Variants in KPNA5 observed in about 807,000 individuals in gnomAD.
KPNA5 encodes karyopherin subunit alpha 5.
Under a neutral mutation model 71.3 loss-of-function variants are expected in KPNA5, and 46 were observed. The ratio of observed to expected loss-of-function variants is 0.65; its 90% CI spans 0.51 to 0.83. KPNA5 has a LOEUF of 0.83. Ranked by LOEUF, KPNA5 falls within the 40% of genes least tolerant of loss-of-function variation. The pLI is 0.00. For missense variants in KPNA5, 547 were observed against 628.3 expected, an observed-to-expected ratio of 0.87 and a Z score of 1.38; for synonymous variants, 207 against 201.4, an observed-to-expected ratio of 1.03 and a Z score of -0.24.
In KPNA5 at chr6:116,739,794, A is replaced by C. The variant is rs993240363; in HGVS notation, c.*7471A>C. On this transcript the variant is annotated 3_prime_UTR_variant, in exon 14 of 14. Transcript: ENST00000368564. ...GGTGCTGGGAAAACTGGCTAGCCAT[A>C]TGTAGAAAGCTGAAACTGTATCCCT... is the stretch of plus-strand genomic sequence containing the variant. The C allele has an allele frequency of 6.6e-6, 1 of 151,678 alleles. No homozygotes were observed. Among genetic ancestry groups the C allele is most frequent in the African/African-American group, 2.4e-5 (1 of 41,220 alleles). 9.4% of individuals were successfully genotyped at this position (151,678 alleles called of 1,614,324 possible). A position where few individuals can be genotyped will look rare whatever the true frequency, so the allele number is the denominator to read the frequency against.
At chr6:116,688,018 C>A (rs899253769) in intron 1 of KPNA5, among the ~76,000 whole-genome samples, 1 of 152,172 alleles carries the variant, frequency 6.6e-6, no homozygotes, top group Admixed American at 6.5e-5. Flanking sequence ...TTTGGACACA[C>A]TTAGTCTCTT....
At chr6:116,686,335 G>A (rs1034082587) in intron 1 of KPNA5, among the ~76,000 whole-genome samples, 5 of 152,012 alleles carry the variant, frequency 3.3e-5, no homozygotes, top group African/African-American at 1.2e-4. Context: ...ATGCTTCTTG[G>A]CTGCATGTAT....
At chr6:116,711,531 T>C (rs1778685920) in intron 7 of KPNA5, among the ~76,000 whole-genome samples, 1 of 142,196 alleles carries the variant, frequency 7.0e-6, no homozygotes, top group Admixed American at 7.2e-5. Context: ...CAAAGTATTT[T>C]CTGCATATGT....
intron 5 of KPNA5, 93 bp downstream of exon 5, chr6:116,698,891 G>A (rs923928497): frequency 7.3e-5 from 45 of 615,306 alleles, no homozygotes; most frequent in Middle Eastern, 4.4e-4. Flanking sequence ...ACTATTGTAA[G>A]CATTAAGTGA....
At chr6:116,713,890 T>G (rs1383723340) in intron 7 of KPNA5, among the ~76,000 whole-genome samples, 1 of 152,190 alleles carries the variant, frequency 6.6e-6, no homozygotes, top group Non-Finnish European at 1.5e-5. Flanking sequence ...CTTTTTATAA[T>G]GTCTGTTTCC....
rs978655729 is a variant in KPNA5, at chr6:116,729,616, T to C, written c.1307T>C (p.Met436Thr). 5 of 1,607,484 alleles carry C rather than the reference T, an allele frequency of 3.1e-6. No individual in the cohort carries two copies. Among genetic ancestry groups the C allele is most frequent in the Admixed American group, 1.7e-5 (1 of 59,222 alleles). The part of the protein sequence containing the change: ...IKPLCDLLTV[M>T]DSKIVQVALN... ...CCACTTTGTGATCTTTTGACTGTTA[T>C]GGACTCCAAAATAGTCCAAGTGGCT... Residue 436 changes from methionine (M) to threonine (T), a missense_variant, in exon 13 of 14, where the codon ATG becomes ACG. By Grantham distance (81) the Met-to-Thr change is moderately conservative. Transcript: ENST00000368564.
At chr6:116,715,057 A>G (rs1292022970) in intron 7 of KPNA5, among the ~76,000 whole-genome samples, 3 of 152,170 alleles carry the variant, frequency 2.0e-5, no homozygotes, top group African/African-American at 7.2e-5. Context: ...ACTTTTGACT[A>G]TCTTCAGAGT....
chr6:116,693,103 T>C (rs1777872753), intron 4 of KPNA5, among the ~76,000 whole-genome samples: 1 of 152,220 alleles, frequency 6.6e-6, no homozygotes, highest in Non-Finnish European at 1.5e-5. Context: ...CCATGGTGTA[T>C]ATGTGCCACA....
chr6:116,702,544 G>T (rs759383538), intron 6 of KPNA5, among the ~76,000 whole-genome samples: 2 of 152,038 alleles, frequency 1.3e-5, no homozygotes, highest in Non-Finnish European at 2.9e-5. Flanking sequence ...TTAGCCAGGC[G>T]TGGTGCCACA....
rs183344770 is a variant in KPNA5, at chr6:116,703,554, C to T, written c.567+1404C>T. 4.6e-5 allele frequency among the ~76,000 whole-genome samples: 7 copies of T among 152,124 alleles called. No homozygotes were observed. The East Asian group carries it at 7.7e-4, about 17-fold the overall frequency. ...CTGGGATTACAGGTGTGAGCCACCG[C>T]GCCCGGCCAAAAGATAAAATTTTTA... is the stretch of plus-strand genomic sequence containing the variant. On this transcript the variant is annotated intron_variant, in intron 6 of 13. Coordinates refer to ENST00000368564, the MANE Select transcript of KPNA5 (RefSeq NM_001366306.2).
rs1375582362 is a variant in KPNA5, at chr6:116,725,737, C to T, written c.1000-14C>T. 9 of 1,596,268 alleles carry T rather than the reference C, an allele frequency of 5.6e-6. No individual in the cohort carries two copies. The highest frequency in any genetic ancestry group is 7.7e-6 in the Non-Finnish European group (9 of 1,172,150). On this transcript the variant is annotated splice_polypyrimidine_tract_variant and intron_variant, in intron 10 of 13. Coordinates refer to ENST00000368564, the MANE Select transcript of KPNA5 (RefSeq NM_001366306.2). ...ACTATAAAACTTTTTGTTTCCATTT[C>T]TAACTTGTTTTAGGTAATTTTGAAT...
intron 6 of KPNA5, among the ~76,000 whole-genome samples, chr6:116,703,700 AAAAC>A (rs1778321132): frequency 6.6e-6 from 1 of 152,222 alleles, no homozygotes; most frequent in Non-Finnish European, 1.5e-5. Flanking sequence ...GTTTTTCTTA[AAAAC>A]AAACAAAAAA....
chr6:116,687,681 G>C (rs1418659937), intron 1 of KPNA5, among the ~76,000 whole-genome samples: 1 of 152,138 alleles, frequency 6.6e-6, no homozygotes, highest in East Asian at 1.9e-4. Flanking sequence ...AGATGGCTCA[G>C]TTAAAAACCA....
intron 7 of KPNA5, among the ~76,000 whole-genome samples, chr6:116,708,329 T>G (rs928455901): frequency 5.3e-5 from 8 of 152,214 alleles, no homozygotes; most frequent in African/African-American, 1.4e-4. Context: ...ACTACCAAAC[T>G]TTTTCACAGC....
In KPNA5 at chr6:116,681,859, C is replaced by T. The variant is rs552743950; in HGVS notation, c.4+521C>T. On this transcript the variant is annotated intron_variant, in intron 1 of 13. Transcript: ENST00000368564. The stretch of plus-strand genomic sequence containing the variant: ...GACGACAAGGCAAGCCTGGGTTCCA[C>T]GCTTCTAATAGTCGGGCAGCTCCGT... Among the ~76,000 whole-genome samples the T allele has an allele frequency of 2.6e-5, 4 of 152,248 alleles. No individual in the cohort carries two copies. The South Asian group carries it at 8.3e-4, about 32-fold the overall frequency.
intron 7 of KPNA5, among the ~76,000 whole-genome samples, chr6:116,707,024 C>T (rs962594630): frequency 5.3e-5 from 8 of 151,456 alleles, no homozygotes; most frequent in East Asian, 3.9e-4. Flanking sequence ...ATTAGCCAGG[C>T]GTGGTGGCAG....
chr6:116,704,920 A>G (rs1337222031), intron 6 of KPNA5, 152 bp from the exon 7 acceptor site: 5 of 587,288 alleles, frequency 8.5e-6, no homozygotes, highest in African/African-American at 3.8e-5. Context: ...GAATAAAAAT[A>G]TTAAATTGAA....
chr6:116,734,687 AATATTTC>A lies in KPNA5; in HGVS notation c.*2367_*2373del, dbSNP rs1779607216. 1 of 150,466 alleles carries A rather than the reference AATATTTC, an allele frequency of 6.6e-6. No homozygotes were observed. The highest frequency in any genetic ancestry group is 1.9e-4 in the East Asian group (1 of 5,170). 9.3% of individuals were successfully genotyped at this position (150,466 alleles called of 1,614,324 possible). ...TACTCTTTTCAAGTATACCATTTAA[AATATTTC>A]ATCAGGCAGAGCCCTGACCAGGAAA... is the stretch of plus-strand genomic sequence containing the variant. On this transcript the variant is annotated 3_prime_UTR_variant, in exon 14 of 14. Coordinates refer to ENST00000368564, the MANE Select transcript of KPNA5 (RefSeq NM_001366306.2).
In KPNA5 at chr6:116,698,794, T is replaced by C; in HGVS notation, c.431T>C (p.Leu144Ser). Residue 144 changes from leucine (L) to serine (S), a missense_variant, in exon 5 of 14, where the codon TTA (leucine) becomes TCA (serine). Coordinates refer to ENST00000368564, the MANE Select transcript of KPNA5 (RefSeq NM_001366306.2). ...KFLERNENCT[L>S]QFEAAWALTN... ...CTTGAAAGAAATGAAAATTGCACTT[T>C]ACAAGTGAGTCTAAAGTTTTCTTTC... is the stretch of plus-strand genomic sequence containing the variant. The C allele has an allele frequency of 6.5e-7, 1 of 1,538,952 alleles. No homozygotes were observed. Among genetic ancestry groups the C allele is most frequent in the Non-Finnish European group, 8.9e-7 (1 of 1,129,214 alleles).
Sources: gnomAD v4.1 joint callset for allele counts (sites outside exome capture counted in the v4.1 genomes callset) on GRCh38, gnomAD v4.1.1 for gene constraint, MANE v1.5 for transcripts, NCBI Gene and HGNC (gene_info 2026-07-23, HGNC 2026-07-21) for gene names.